Variants in HMGN3 observed in about 807,000 individuals in gnomAD.
The protein encoded by HMGN3 is high mobility group nucleosomal binding domain 3, also known as high mobility group nucleosome-binding domain-containing protein 3.
A neutral mutation model predicts 18.8 loss-of-function variants in HMGN3; 6 were observed. The ratio of observed to expected loss-of-function variants is 0.32; its 90% CI spans 0.18 to 0.63. The LOEUF (loss-of-function observed/expected upper bound fraction) is 0.63, where lower values mean the gene tolerates loss of function less well. Among genes scored for constraint, HMGN3 ranks in the 30% least tolerant of loss-of-function variants. HMGN3 has a pLI of 0.79. For missense variants in HMGN3, 107 were observed against 114.2 expected (o/e 0.94, Z 0.29); for synonymous variants, 40 against 36.5 (o/e 1.10, Z -0.35).
intron 5 of HMGN3, 143 bp from the exon 7 acceptor site, chr6:79,201,869 C>CT (rs2127808563): frequency 6.9e-7 from 1 of 1,453,692 alleles, no homozygotes; most frequent in South Asian, 1.5e-5. Flanking sequence ...TATTTCAACT[C>CT]TGAGTGAAGA....
intron 1 of HMGN3, among the ~76,000 whole-genome samples, chr6:79,216,468 A>G (rs1399603981): frequency 6.6e-6 from 1 of 152,180 alleles, no homozygotes; most frequent in African/African-American, 2.4e-5. Context: ...AGGAAAGATA[A>G]AAGCTTTTCT....
At chr6:79,203,518 G>C in intron 4 of HMGN3, 62 bp downstream of exon 4, 1 of 1,278,674 alleles carries the variant, frequency 7.8e-7, no homozygotes, top group Non-Finnish European at 1.1e-6. Flanking sequence ...ATGATTCTGA[G>C]GTAGGGAATT....
intron 3 of HMGN3, among the ~76,000 whole-genome samples, chr6:79,208,213 A>G: frequency 6.6e-6 from 1 of 152,252 alleles, no homozygotes; most frequent in East Asian, 1.9e-4. Flanking sequence ...ACAGAGAATC[A>G]GAATTCTGTC....
intron 1 of HMGN3, among the ~76,000 whole-genome samples, chr6:79,221,702 A>G (rs147824209): frequency 1.3e-5 from 2 of 152,316 alleles, no homozygotes; most frequent in East Asian, 1.9e-4. Flanking sequence ...TTTAGATGGC[A>G]GCAGTCTGTG....
chr6:79,201,970 C>T (rs1776158216), intron 5 of HMGN3, 93 bp downstream of exon 6: 1 of 1,462,708 alleles, frequency 6.8e-7, no homozygotes, highest in East Asian at 2.5e-5. Flanking sequence ...CTGCAAGCTC[C>T]CACTCTTCAT....
chr6:79,219,922 C>T (rs1016211549), intron 1 of HMGN3, among the ~76,000 whole-genome samples: 8 of 152,138 alleles, frequency 5.3e-5, no homozygotes. Context: ...TTGCTCCAAA[C>T]ATTTATAATT....
In HMGN3 at chr6:79,202,250, C is replaced by T. The variant is rs182516664; in HGVS notation, c.261+26G>A. ...ATTTCTTTAAAGACACTGATTCAATCAGTGGGAGGTATTTATGGAAAGTAC... is the reference window on the plus strand; with the variant it reads ...ATTTCTTTAAAGACACTGATTCAATTAGTGGGAGGTATTTATGGAAAGTAC... On this transcript the variant is annotated intron_variant, in intron 5 of 5. Transcript: ENST00000344726. The T allele has an allele frequency of 6.2e-6, 10 of 1,613,870 alleles. No individual in the cohort carries two copies. The East Asian group carries it at 6.7e-5, about 11-fold the overall frequency.
intron 1 of HMGN3, among the ~76,000 whole-genome samples, chr6:79,218,067 G>C (rs918254514): frequency 6.6e-6 from 1 of 152,220 alleles, no homozygotes; most frequent in African/African-American, 2.4e-5. Flanking sequence ...ACGTATCCAC[G>C]TCTGCAAGAG....
chr6:79,214,761 C>G (rs536762743), intron 2 of HMGN3, among the ~76,000 whole-genome samples: 1 of 152,250 alleles, frequency 6.6e-6, no homozygotes, highest in South Asian at 2.1e-4. Context: ...TGGAAAATGC[C>G]TCATCAATAT....
chr6:79,206,544 AG>A (rs1223222153), intron 3 of HMGN3, among the ~76,000 whole-genome samples: 1 of 152,248 alleles, frequency 6.6e-6, no homozygotes, highest in Non-Finnish European at 1.5e-5. Context: ...ACCTCTGCGT[AG>A]ATTTCAGAAG....
intron 1 of HMGN3, among the ~76,000 whole-genome samples, chr6:79,215,416 A>T (rs529638455): frequency 1.3e-5 from 2 of 152,230 alleles, no homozygotes; most frequent in Non-Finnish European, 2.9e-5. Context: ...CTTTAAGATA[A>T]GGGCAGGATG....
At chr6:79,209,240 A>T (rs1408473658) in intron 2 of HMGN3, among the ~76,000 whole-genome samples, 1 of 152,220 alleles carries the variant, frequency 6.6e-6, no homozygotes, top group Non-Finnish European at 1.5e-5. Flanking sequence ...GTAGAAATTG[A>T]TATTTTGGGG....
chr6:79,205,174 T>G (rs978903874), intron 3 of HMGN3, among the ~76,000 whole-genome samples: 1 of 152,226 alleles, frequency 6.6e-6, no homozygotes, highest in Non-Finnish European at 1.5e-5. Context: ...ACTTTGGTTT[T>G]CATTTGACTT....
At chr6:79,203,055 A>G (rs1776225303) in intron 4 of HMGN3, among the ~76,000 whole-genome samples, 1 of 152,216 alleles carries the variant, frequency 6.6e-6, no homozygotes, top group Non-Finnish European at 1.5e-5. Flanking sequence ...CATCTGCAAA[A>G]CAGGATATTT....
intron 1 of HMGN3, among the ~76,000 whole-genome samples, chr6:79,218,311 T>C (rs1325572069): frequency 1.3e-5 from 2 of 152,022 alleles, no homozygotes; most frequent in Admixed American, 1.3e-4. Flanking sequence ...TACAACAATA[T>C]GATACTTAAA....
chr6:79,201,913 G>A (rs1228919625), intron 5 of HMGN3, 150 bp downstream of exon 6: 2 of 1,434,182 alleles, frequency 1.4e-6, no homozygotes, highest in East Asian at 2.5e-5. Flanking sequence ...CAAACACTTT[G>A]TTTCATTTAT....
chr6:79,205,016 G>A (rs10943623), intron 3 of HMGN3, among the ~76,000 whole-genome samples: 74,739 of 151,930 alleles, frequency 0.49, 19,842 homozygotes, highest in East Asian at 0.8. Context: ...CAGCATTCAA[G>A]TGTTTTGATA....
intron 1 of HMGN3, chr6:79,233,995 C>A (rs1778007678): frequency 1.3e-5 from 2 of 153,016 alleles, no homozygotes; most frequent in Admixed American, 1.3e-4. Flanking sequence ...TTGGTACATA[C>A]GGGTCTGCAG....
intron 2 of HMGN3, 145 bp from the exon 3 acceptor site, chr6:79,208,721 G>A (rs753188891): frequency 4.9e-5 from 36 of 728,388 alleles, no homozygotes; most frequent in Admixed American, 2.2e-4. Flanking sequence ...TAAGCACAGT[G>A]AAACATATCC....
Sources: allele counts gnomAD v4.1 joint callset (sites outside exome capture counted in the v4.1 genomes callset), GRCh38; gene constraint gnomAD v4.1.1; transcripts MANE v1.5; gene names NCBI Gene and HGNC (gene_info 2026-07-23, HGNC 2026-07-21).